Variants in HCN1 observed in about 807,000 individuals in gnomAD.
HCN1 encodes potassium/sodium hyperpolarization-activated cyclic nucleotide-gated channel 1.
In HCN1, 13 loss-of-function variants were observed where a neutral mutation model predicts 78.9. The observed-to-expected ratio is 0.16, with a 90% CI of 0.11 to 0.26. HCN1 has a LOEUF of 0.26. Among genes scored for constraint, HCN1 ranks in the 10% least tolerant of loss-of-function variants. The pLI, the probability that HCN1 is intolerant of heterozygous loss-of-function variation, is 1.00. For missense variants in HCN1, 810 were observed against 1,154.3 expected, an observed-to-expected ratio of 0.70 and a Z score of 4.32; for synonymous variants, 552 against 455.5, an observed-to-expected ratio of 1.21 and a Z score of -2.70.
chr5:45,275,642 C>G (rs1745040931), intron 6 of HCN1, among the ~76,000 whole-genome samples: 1 of 151,990 alleles, frequency 6.6e-6, no homozygotes, highest in Non-Finnish European at 1.5e-5. Context: ...TATATTTGTA[C>G]TACTTGTCTT....
rs1742488109 is a variant in HCN1 at position 45,514,885 on chromosome 5, T to C, written c.850-52878A>G. On this transcript the variant is annotated intron_variant, in intron 2 of 7. Coordinates refer to ENST00000303230, the MANE Select transcript of HCN1 (RefSeq NM_021072.4). ...TTCATGAGGCATTCATTGCAAATAT[T>C]TTTTTCTTTCTGTTGAATTGAAATT... is the stretch of plus-strand genomic sequence containing the variant. 2.0e-5 allele frequency among the ~76,000 whole-genome samples: 3 copies of C among 152,068 alleles called. No homozygotes were observed. In the South Asian group the frequency reaches 6.2e-4, roughly 32 times the overall value.
At chr5:45,487,626 T>C (rs994800449) in intron 2 of HCN1, among the ~76,000 whole-genome samples, 5 of 152,114 alleles carry the variant, frequency 3.3e-5, no homozygotes, top group African/African-American at 1.2e-4. Context: ...TGTGCACATA[T>C]GAGGGCATTT....
chr5:45,571,630 T>A (rs1234013012), intron 2 of HCN1, among the ~76,000 whole-genome samples: 2 of 152,148 alleles, frequency 1.3e-5, no homozygotes, highest in Non-Finnish European at 2.9e-5. Context: ...AAAGCCAATA[T>A]GAGGACAGAC....
At position 45,306,543 on chromosome 5, in the gene HCN1, G is replaced by GA. The variant is rs1335410187; in HGVS notation, c.1378-2705dup. Among the ~76,000 whole-genome samples the GA allele has an allele frequency of 3.3e-5, 5 of 151,944 alleles. 1 individual carries two copies. Among genetic ancestry groups the GA allele is most frequent in the African/African-American group, 7.3e-5 (3 of 41,376 alleles). On this transcript the variant is annotated intron_variant, in intron 5 of 7. Coordinates refer to ENST00000303230, the MANE Select transcript of HCN1 (RefSeq NM_021072.4). The stretch of plus-strand genomic sequence containing the variant: ...ACTGTAAATTCTAACAGATATGATA[G>GA]AAAAAATGGTAATGAGACAGAATCT...
intron 3 of HCN1, among the ~76,000 whole-genome samples, chr5:45,456,686 C>T (rs986672964): frequency 6.6e-6 from 1 of 151,974 alleles, no homozygotes; most frequent in African/African-American, 2.4e-5. Context: ...ATGAGTAATG[C>T]TGTTTTGCTA....
chr5:45,283,891 T>TA (rs1433824289), intron 6 of HCN1, among the ~76,000 whole-genome samples: 1 of 152,112 alleles, frequency 6.6e-6, no homozygotes, highest in African/African-American at 2.4e-5. Flanking sequence ...GGAGTCAACT[T>TA]AAATGCCTAT....
In HCN1 at chr5:45,257,202, T is replaced by C. The variant is rs1264518977; in HGVS notation, c.*4719A>G. On this transcript the variant is annotated 3_prime_UTR_variant, in exon 8 of 8. Transcript: ENST00000303230. ...ATAAGCTTAAATTAAGAATATAAAG[T>C]ACAACACTGTAAAACCTTTGCCCTG... 1 of 152,212 alleles carries C rather than the reference T, an allele frequency of 6.6e-6. No homozygotes were observed. The highest frequency in any genetic ancestry group is 6.5e-5 in the Admixed American group (1 of 15,280). The allele number at this position is 152,212 out of a possible 1,614,324, so 9.4% of individuals were successfully genotyped here.
chr5:45,546,494 C>A (rs1743231611), intron 2 of HCN1, among the ~76,000 whole-genome samples: 2 of 151,838 alleles, frequency 1.3e-5, no homozygotes, highest in African/African-American at 4.8e-5. Flanking sequence ...GGACACAGCT[C>A]CTAAAACTTA....
intron 2 of HCN1, among the ~76,000 whole-genome samples, chr5:45,592,758 T>A (rs993633829): frequency 2.1e-4 from 32 of 152,270 alleles, no homozygotes; most frequent in African/African-American, 7.2e-4. Flanking sequence ...TGTATTTACA[T>A]AAACATATTC....
At chr5:45,679,146 G>T (rs748028786) in intron 1 of HCN1, among the ~76,000 whole-genome samples, 37 of 152,132 alleles carry the variant, frequency 2.4e-4, no homozygotes, top group Non-Finnish European at 4.9e-4. Context: ...TTAAGATATT[G>T]GGCTCTGAGC....
Position 45,696,175 on chromosome 5 carries a change from G to A in HCN1, c.-82C>T. On this transcript the variant is annotated 5_prime_UTR_variant, in exon 1 of 8. Coordinates refer to ENST00000303230, the MANE Select transcript of HCN1 (RefSeq NM_021072.4). Reference sequence around the variant, plus strand: ...CCGGAGACACGTAGCCGAGAGGGTAGGGGCCCGAGCCGGCTGCCGGCGAGC... The same window carrying A: ...CCGGAGACACGTAGCCGAGAGGGTAAGGGCCCGAGCCGGCTGCCGGCGAGC... The A allele has an allele frequency of 1.1e-6, 1 of 931,962 alleles. No homozygotes were observed. The allele number at this position is 931,962 out of a possible 1,614,324, so 57.7% of individuals were successfully genotyped here. A position where few individuals can be genotyped will look rare whatever the true frequency, so the allele number is the denominator to read the frequency against.
chr5:45,275,656 C>T (rs1745041071), intron 6 of HCN1, among the ~76,000 whole-genome samples: 1 of 151,946 alleles, frequency 6.6e-6, no homozygotes, highest in African/African-American at 2.4e-5. Flanking sequence ...TTGTCTTTGG[C>T]AAGTTAAAAT....
At chr5:45,308,941 A>G (rs919217510) in intron 5 of HCN1, among the ~76,000 whole-genome samples, 4 of 152,178 alleles carry the variant, frequency 2.6e-5, no homozygotes, top group African/African-American at 7.2e-5. Context: ...CATTGAATCT[A>G]TAAATTGCTT....
chr5:45,622,782 G>A (rs1329713986), intron 2 of HCN1, among the ~76,000 whole-genome samples: 2 of 152,206 alleles, frequency 1.3e-5, no homozygotes, highest in Admixed American at 6.5e-5. Context: ...AATTAAAAGA[G>A]TAAACCGTTT....
At chr5:45,317,430 C>T (rs1579806053) in intron 5 of HCN1, among the ~76,000 whole-genome samples, 1 of 152,166 alleles carries the variant, frequency 6.6e-6, no homozygotes, top group Non-Finnish European at 1.5e-5. Flanking sequence ...AGACTAAAGA[C>T]TTAAATGTTA....
chr5:45,474,215 C>T (rs1250562524), intron 2 of HCN1, among the ~76,000 whole-genome samples: 1 of 151,802 alleles, frequency 6.6e-6, no homozygotes, highest in African/African-American at 2.4e-5. Context: ...ACAATCAAGT[C>T]AATCTGAAGA....
chr5:45,349,091 C>T (rs192331742), intron 5 of HCN1, among the ~76,000 whole-genome samples: 24 of 152,300 alleles, frequency 1.6e-4, no homozygotes, highest in Non-Finnish European at 2.8e-4. Flanking sequence ...CACCACACCA[C>T]ACCTCTTCCA....
At chr5:45,405,191 T>C (rs949356518) in intron 3 of HCN1, among the ~76,000 whole-genome samples, 1 of 152,092 alleles carries the variant, frequency 6.6e-6, no homozygotes, top group Non-Finnish European at 1.5e-5. Context: ...GAAATGCCAA[T>C]CAGATAGAAA....
At chr5:45,409,703 A>T (rs1238496457) in intron 3 of HCN1, among the ~76,000 whole-genome samples, 2 of 152,020 alleles carry the variant, frequency 1.3e-5, no homozygotes, top group African/African-American at 4.8e-5. Flanking sequence ...ATAGTGGCAC[A>T]TTAAATATTT....
Sources: gnomAD v4.1 joint callset for allele counts (sites outside exome capture counted in the v4.1 genomes callset) on GRCh38, gnomAD v4.1.1 for gene constraint, MANE v1.5 for transcripts, NCBI Gene and HGNC (gene_info 2026-07-23, HGNC 2026-07-21) for gene names.